The following NBAS variants were observed in gnomAD, a reference collection of about 807,000 sequenced individuals.
NBAS encodes NBAS subunit of NRZ tethering complex.
NBAS carries 219 observed loss-of-function variants against 302.5 expected under a neutral mutation model. The observed-to-expected ratio is 0.72, with a 90% CI of 0.65 to 0.81. The LOEUF (loss-of-function observed/expected upper bound fraction) is 0.81. NBAS is among the 30% of genes least tolerant of loss of function. The pLI is 0.00. For missense variants in NBAS, 2,932 were observed against 2,841.6 expected (o/e 1.03, Z -0.72); for synonymous variants, 1,118 against 1,021.6 (o/e 1.09, Z -1.80).
the NBAS span, among the ~76,000 whole-genome samples, chr2:14,802,237 A>G: frequency 7.2e-6 from 1 of 138,588 alleles, no homozygotes; most frequent in African/African-American, 2.8e-5. Flanking sequence ...AGCTTTCTAC[A>G]TATGGCTAGC....
intron 38 of NBAS, among the ~76,000 whole-genome samples, chr2:15,324,937 CAGG>C (rs2148214819): frequency 6.6e-6 from 1 of 152,252 alleles, no homozygotes; most frequent in South Asian, 2.1e-4. Context: ...TCTATGAAAA[CAGG>C]AGGCCGACTA....
intron 21 of NBAS, among the ~76,000 whole-genome samples, chr2:15,441,328 C>A (rs1462171811): frequency 6.6e-6 from 1 of 152,116 alleles, no homozygotes; most frequent in Admixed American, 6.6e-5. Flanking sequence ...CTCTACAAAC[C>A]AGAAGAGAGT....
chr2:15,557,887 C>T (rs1424712778), intron 2 of NBAS, among the ~76,000 whole-genome samples: 2 of 152,148 alleles, frequency 1.3e-5, no homozygotes, highest in Non-Finnish European at 2.9e-5. Flanking sequence ...TTAGTTCATA[C>T]GTAAAATTTG....
chr2:15,331,366 G>T (rs923640244), intron 35 of NBAS, among the ~76,000 whole-genome samples: 2 of 152,322 alleles, frequency 1.3e-5, no homozygotes, highest in African/African-American at 4.8e-5. Flanking sequence ...ATTCCACGAG[G>T]AGAAAATGTC....
At chr2:15,402,403 A>G in intron 25 of NBAS, 102 bp from the exon 26 acceptor site, 2 of 1,115,890 alleles carry the variant, frequency 1.8e-6, no homozygotes, top group African/African-American at 1.5e-5. Context: ...AGCACAATTA[A>G]TCAACTATAG....
chr2:15,399,081 C>T (rs983993459), intron 26 of NBAS, among the ~76,000 whole-genome samples: 5 of 152,116 alleles, frequency 3.3e-5, no homozygotes, highest in Non-Finnish European at 7.4e-5. Flanking sequence ...ACAATCTCCT[C>T]GAAGTAGACA....
chr2:15,131,819 T>G, the NBAS span, among the ~76,000 whole-genome samples: 1 of 152,072 alleles, frequency 6.6e-6, no homozygotes, highest in Admixed American at 6.5e-5. Flanking sequence ...TACAGGGAGC[T>G]TTTACACACT....
chr2:14,792,315 A>C, the NBAS span, among the ~76,000 whole-genome samples: 1 of 152,218 alleles, frequency 6.6e-6, no homozygotes, highest in Non-Finnish European at 1.5e-5. Context: ...GCTACCAAAC[A>C]CCATAGCCTA....
At chr2:15,391,273 A>G (rs1675587126) in intron 28 of NBAS, among the ~76,000 whole-genome samples, 1 of 152,202 alleles carries the variant, frequency 6.6e-6, no homozygotes, top group Admixed American at 6.5e-5. Context: ...GTGTTAGAAA[A>G]ACAGACAAGA....
chr2:14,881,869 G>A, the NBAS span, among the ~76,000 whole-genome samples: 2 of 152,090 alleles, frequency 1.3e-5, no homozygotes, highest in Admixed American at 6.5e-5. Context: ...TCAGAGAATG[G>A]GCTATAACCA....
chr2:15,211,407 T>G (rs1251209037), intron 48 of NBAS, among the ~76,000 whole-genome samples: 1 of 152,218 alleles, frequency 6.6e-6, no homozygotes, highest in Non-Finnish European at 1.5e-5. Context: ...AGCTTTGTTA[T>G]CTTAGATGTT....
chr2:15,098,423 T>C, the NBAS span, among the ~76,000 whole-genome samples: 3 of 52,644 alleles, frequency 5.7e-5, no homozygotes, highest in Non-Finnish European at 7.5e-5. Context: ...ATATTGTATA[T>C]TATATATTAT....
the NBAS span, among the ~76,000 whole-genome samples, chr2:15,011,088 T>G: frequency 2.0e-5 from 3 of 152,372 alleles, no homozygotes; most frequent in East Asian, 5.8e-4. Flanking sequence ...TTGTGGGGCC[T>G]AAGCATTTCA....
the NBAS span, among the ~76,000 whole-genome samples, chr2:14,998,506 C>T: frequency 7.9e-5 from 12 of 152,052 alleles, no homozygotes; most frequent in African/African-American, 2.9e-4. Context: ...CTACGTGAAG[C>T]CCAGAAAAGA....
intron 44 of NBAS, among the ~76,000 whole-genome samples, chr2:15,269,121 T>C (rs1259038433): frequency 2.0e-5 from 3 of 152,036 alleles, no homozygotes; most frequent in Admixed American, 2.0e-4. Context: ...TCAAGTGAGA[T>C]TCCCCAGCAA....
At chr2:14,876,235 T>G in the NBAS span, among the ~76,000 whole-genome samples, 1 of 152,356 alleles carries the variant, frequency 6.6e-6, no homozygotes, top group East Asian at 1.9e-4. Flanking sequence ...GTTAAGAAAC[T>G]AATGTAAATT....
chr2:15,487,199 G>C (rs1680666254), intron 12 of NBAS, among the ~76,000 whole-genome samples: 1 of 152,120 alleles, frequency 6.6e-6, no homozygotes, highest in Admixed American at 6.5e-5. Context: ...GAGAACATCA[G>C]GCTCCTCTCA....
chr2:14,892,723 T>C, the NBAS span, among the ~76,000 whole-genome samples: 1 of 152,166 alleles, frequency 6.6e-6, no homozygotes, highest in Non-Finnish European at 1.5e-5. Context: ...ACGTATTATG[T>C]TTATGGATTT....
At chr2:15,278,841 C>T (rs1216219250) in intron 42 of NBAS, among the ~76,000 whole-genome samples, 2 of 152,080 alleles carry the variant, frequency 1.3e-5, no homozygotes, top group African/African-American at 2.4e-5. Flanking sequence ...TAATGGAAGG[C>T]TTAGTGAAAG....
Sources: gnomAD v4.1 joint callset for allele counts (sites outside exome capture counted in the v4.1 genomes callset) on GRCh38, gnomAD v4.1.1 for gene constraint, MANE v1.5 for transcripts, NCBI Gene and HGNC (gene_info 2026-07-23, HGNC 2026-07-21) for gene names.